NBPF8: variants seen among roughly 807,000 people sequenced by gnomAD.
NBPF8 encodes the protein NBPF member 8.
At chr1:120,433,930 C>G (rs1207503627), upstream of NBPF8, 1 of 161,442 alleles carries the variant, frequency 6.2e-6, no homozygotes, top group Non-Finnish European at 1.4e-5. Context: ...ACCAGGACAC[C>G]AACCTCAGCT....
At chr1:120,449,873 G>C (rs1553248535) in intron 11 of NBPF8, among the ~76,000 whole-genome samples, 1 of 152,156 alleles carries the variant, frequency 6.6e-6, no homozygotes, top group African/African-American at 2.4e-5. Flanking sequence ...CCTGCTCTGA[G>C]GGCTTCAAGA....
At chr1:120,416,116 G>A (rs1468357638), upstream of NBPF8, among the ~76,000 whole-genome samples, 1 of 151,956 alleles carries the variant, frequency 6.6e-6, no homozygotes, top group Non-Finnish European at 1.5e-5. Context: ...AGATCTGCTG[G>A]TAGTGTTTAG....
At chr1:120,465,754 TTCTC>T (rs1291425076) in intron 24 of NBPF8, among the ~76,000 whole-genome samples, 2 of 150,418 alleles carry the variant, frequency 1.3e-5, no homozygotes, top group East Asian at 2.1e-4. Context: ...CTAGGTCACT[TTCTC>T]TCTGTCTCTG....
upstream of NBPF8, among the ~76,000 whole-genome samples, chr1:120,434,221 GA>G (rs1441221153): frequency 1.4e-5 from 2 of 144,118 alleles, no homozygotes; most frequent in African/African-American, 5.3e-5. Context: ...ACTTAAAAAA[GA>G]AAAAAATATA....
At chr1:120,418,258 G>A (rs1393201761), upstream of NBPF8, among the ~76,000 whole-genome samples, 1 of 51,602 alleles carries the variant, frequency 1.9e-5, no homozygotes, top group Non-Finnish European at 3.7e-5. Flanking sequence ...AATGTATTAA[G>A]GGAAGTATGT....
At position 120,460,637 on chromosome 1, in the gene NBPF8, A is replaced by C; in HGVS notation, n.2836+13A>C. On this transcript the variant is annotated intron_variant and non_coding_transcript_variant, in intron 18 of 24. Coordinates refer to ENST00000583271, the Ensembl canonical transcript of NBPF8. ...CAACAGGTCCCAGGTGAGTCTGAGA[A>C]ATTGTGGACAGTTAATTTGATGTTG... The C allele has an allele frequency of 4.2e-6, 5 of 1,180,318 alleles. No individual in the cohort carries two copies. Among genetic ancestry groups the C allele is most frequent in the Non-Finnish European group, 6.3e-6 (5 of 798,174 alleles). The allele number at this position is 1,180,318 out of a possible 1,614,324, so 73.1% of individuals were successfully genotyped here.
chr1:120,417,149 A>T, upstream of NBPF8, among the ~76,000 whole-genome samples: 1 of 117,590 alleles, frequency 8.5e-6, no homozygotes. Context: ...AGATTCTCTA[A>T]CTTTTTTTTT....
At chr1:120,456,592 C>A (rs1661442851) in intron 16 of NBPF8, among the ~76,000 whole-genome samples, 2 of 131,608 alleles carry the variant, frequency 1.5e-5, no homozygotes, top group South Asian at 2.2e-4. Context: ...CAACCCCTGC[C>A]TTTTTTTGTT....
At chr1:120,428,354 A>G (rs1660780202) in intron 3 of NBPF8, among the ~76,000 whole-genome samples, 2 of 152,330 alleles carry the variant, frequency 1.3e-5, no homozygotes, top group African/African-American at 4.8e-5. Flanking sequence ...GTAGCCAAAA[A>G]GAAACCAGAG....
chr1:120,424,203 C>G (rs1480436946), intron 1 of NBPF8, among the ~76,000 whole-genome samples: 2 of 151,570 alleles, frequency 1.3e-5, no homozygotes, highest in African/African-American at 4.9e-5. Context: ...ATATAGTGGA[C>G]TATTGTGTTC....
intron 11 of NBPF8, among the ~76,000 whole-genome samples, chr1:120,449,950 C>T (rs868977696): frequency 6.6e-6 from 1 of 152,044 alleles, no homozygotes; most frequent in East Asian, 1.9e-4. Context: ...GAGTAGGGGC[C>T]GTGCATGGTG....
At chr1:120,434,175 C>T (rs1270293612), upstream of NBPF8, 3 of 151,076 alleles carry the variant, frequency 2.0e-5, no homozygotes, top group South Asian at 4.2e-4. Flanking sequence ...CTCCTCGCCA[C>T]GACTCTGCTA....
At chr1:120,434,127 C>T (rs1553247428), upstream of NBPF8, 4 of 152,500 alleles carry the variant, frequency 2.6e-5, no homozygotes, top group South Asian at 2.0e-4. Flanking sequence ...CCTGGGCTGG[C>T]GGGTGGGGGA....
exon 25 of NBPF8, chr1:120,466,331 C>T: frequency 6.8e-7 from 1 of 1,468,382 alleles, no homozygotes; most frequent in Non-Finnish European, 9.3e-7. Flanking sequence ...TAGGATGGGT[C>T]AGTGGGCATG....
chr1:120,450,333 G>A lies in NBPF8; in HGVS notation n.1972-847G>A, dbSNP rs1661230629. The stretch of plus-strand genomic sequence containing the variant: ...GGCACAGAGTCTTGTTGCTAAAGAG[G>A]AAGAAAGATCCCACCCGAGAATGTG... On this transcript the variant is annotated intron_variant and non_coding_transcript_variant, in intron 11 of 24. Transcript: ENST00000583271. 2.0e-5 allele frequency among the ~76,000 whole-genome samples: 3 copies of A among 151,968 alleles called. 1 individual carries two copies. Among genetic ancestry groups the A allele is most frequent in the African/African-American group, 7.3e-5 (3 of 41,252 alleles).
upstream of NBPF8, among the ~76,000 whole-genome samples, chr1:120,415,681 G>C (rs1660415956): frequency 6.6e-6 from 1 of 152,194 alleles, no homozygotes; most frequent in Non-Finnish European, 1.5e-5. Context: ...TTGCAAAGTT[G>C]GGGTCTTTAT....
intron 24 of NBPF8, 130 bp from the exon 23 acceptor site, chr1:120,465,848 T>A: frequency 1.3e-6 from 2 of 1,596,566 alleles, no homozygotes. Flanking sequence ...AGGCAATAAT[T>A]TGTTACCTCA....
chr1:120,459,983 C>T (rs1220194781), intron 17 of NBPF8, among the ~76,000 whole-genome samples: 6 of 152,020 alleles, frequency 3.9e-5, no homozygotes, highest in Non-Finnish European at 8.8e-5. Context: ...AAAGATGTGA[C>T]CCAGGTTTCA....
At chr1:120,453,989 G>T in exon 15 of NBPF8, 2 of 1,611,156 alleles carry the variant, frequency 1.2e-6, no homozygotes, top group Non-Finnish European at 1.7e-6. Flanking sequence ...AATAGCCATG[G>T]CCCTTATGAC....
Sources: gnomAD v4.1 joint callset for allele counts (sites outside exome capture counted in the v4.1 genomes callset) on GRCh38, gnomAD v4.1.1 for gene constraint, MANE v1.5 for transcripts, NCBI Gene and HGNC (gene_info 2026-07-23, HGNC 2026-07-21) for gene names.